MRPS6: variants seen among roughly 807,000 people sequenced by gnomAD.
The protein encoded by MRPS6 is small ribosomal subunit protein bS6m.
MRPS6 carries 6 observed loss-of-function variants against 13.1 expected under a neutral mutation model. The observed-to-expected ratio is 0.46, with a 90% confidence interval of 0.25 to 0.91. The LOEUF (loss-of-function observed/expected upper bound fraction) is 0.91, where lower values mean the gene tolerates loss of function less well. MRPS6 is among the 40% of genes least tolerant of loss of function. MRPS6 has a pLI of 0.18. For synonymous variants in MRPS6, 61 were observed against 56.5 expected (o/e 1.08, Z -0.36); for missense variants, 164 against 155.6 (o/e 1.05, Z -0.29).
intron 1 of MRPS6, chr21:34,100,916 C>A: frequency 2.0e-6 from 2 of 1,000,152 alleles, no homozygotes; most frequent in Non-Finnish European, 2.4e-6. Flanking sequence ...CTTCCCTGTT[C>A]CTGCTTGGCA....
chr21:34,089,801 G>T (rs1028567330), intron 1 of MRPS6, among the ~76,000 whole-genome samples: 2 of 152,112 alleles, frequency 1.3e-5, no homozygotes, highest in African/African-American at 4.8e-5. Context: ...TCCAATCAGG[G>T]TTTTGTATAA....
chr21:34,096,224 C>T lies in MRPS6; in HGVS notation c.45+22479C>T, dbSNP rs758044325. ...AGCACTGCATGCTGGTGTGTGGAAG[C>T]AGAGCTGGTTGCTCCAATATTGCTT... On this transcript the variant is annotated intron_variant, in intron 1 of 2. Coordinates refer to ENST00000399312, the MANE Select transcript of MRPS6 (RefSeq NM_032476.4). This position sits in a 1 kb window ranked among gnomAD's most constrained non-coding sequence, Gnocchi z 5.9. The T allele has an allele frequency of 1.2e-6, 2 of 1,614,046 alleles. No homozygotes were observed. The highest frequency in any genetic ancestry group is 1.7e-6 in the Non-Finnish European group (2 of 1,180,022).
chr21:34,117,732 A>G (rs1364851038), intron 1 of MRPS6, among the ~76,000 whole-genome samples: 1 of 152,222 alleles, frequency 6.6e-6, no homozygotes, highest in Non-Finnish European at 1.5e-5. Flanking sequence ...TGGTCTGCCC[A>G]TAAGAGATCA....
chr21:34,099,664 C>T, intron 1 of MRPS6: 1 of 997,952 alleles, frequency 1.0e-6, no homozygotes, highest in South Asian at 4.7e-5. Flanking sequence ...TAGGGTCCCT[C>T]TACCTTCTTT....
intron 2 of MRPS6, among the ~76,000 whole-genome samples, chr21:34,141,032 C>G (rs1242926653): frequency 6.6e-6 from 1 of 152,202 alleles, no homozygotes; most frequent in Non-Finnish European, 1.5e-5. Context: ...TCTGGAATTA[C>G]ACAAAATGCC....
At chr21:34,100,391 C>CG in intron 1 of MRPS6, 1 of 1,000,166 alleles carries the variant, frequency 1.0e-6, no homozygotes, top group Non-Finnish European at 1.2e-6. Flanking sequence ...ACACTTGAGC[C>CG]GATTTCTTCT....
intron 2 of MRPS6, among the ~76,000 whole-genome samples, chr21:34,139,858 G>A (rs762188859): frequency 6.6e-6 from 1 of 152,162 alleles, no homozygotes; most frequent in Non-Finnish European, 1.5e-5. Context: ...TATTACAGGT[G>A]TGAGCCCCAG....
At chr21:34,134,433 A>C (rs749430145) in intron 2 of MRPS6, among the ~76,000 whole-genome samples, 3 of 152,192 alleles carry the variant, frequency 2.0e-5, no homozygotes, top group African/African-American at 4.8e-5. Flanking sequence ...CCTCCATCCC[A>C]CATCAGCTCA....
At chr21:34,108,800 T>C (rs1025454769) in intron 1 of MRPS6, among the ~76,000 whole-genome samples, 6 of 151,424 alleles carry the variant, frequency 4.0e-5, no homozygotes, top group African/African-American at 1.5e-4. Context: ...ATAGGAATTT[T>C]CTAGCCTCTA....
intron 2 of MRPS6, among the ~76,000 whole-genome samples, chr21:34,139,446 T>C (rs968817541): frequency 6.6e-6 from 1 of 152,200 alleles, no homozygotes; most frequent in African/African-American, 2.4e-5. Context: ...TAATAAGATA[T>C]AGGGCTTAAG....
At chr21:34,107,576 A>G (rs890822275) in intron 1 of MRPS6, among the ~76,000 whole-genome samples, 2 of 152,166 alleles carry the variant, frequency 1.3e-5, no homozygotes, top group Non-Finnish European at 2.9e-5. Flanking sequence ...GCATTCATTT[A>G]TCTATGAATC....
chr21:34,114,066 T>C (rs1248823160), intron 1 of MRPS6, among the ~76,000 whole-genome samples: 2 of 152,184 alleles, frequency 1.3e-5, no homozygotes, highest in African/African-American at 2.4e-5. Context: ...CTTGCTGTCA[T>C]AGTAACCAGG....
intron 1 of MRPS6, chr21:34,099,173 G>A: frequency 2.0e-6 from 2 of 999,436 alleles, no homozygotes; most frequent in Non-Finnish European, 2.4e-6. Flanking sequence ...TTTCTGAAGA[G>A]CTTAGAGTGC....
intron 1 of MRPS6, chr21:34,102,341 C>G (rs769996523): frequency 1.0e-5 from 10 of 999,284 alleles, no homozygotes; most frequent in Non-Finnish European, 1.2e-5. Context: ...TACTGATTCA[C>G]CTTTAAAGGA....
intron 2 of MRPS6, among the ~76,000 whole-genome samples, chr21:34,134,136 A>ATT (rs1980604311): frequency 6.6e-6 from 1 of 152,234 alleles, no homozygotes; most frequent in Admixed American, 6.5e-5. Flanking sequence ...CAAAGTAAGT[A>ATT]ATCAATAATT....
chr21:34,079,281 C>G (rs1051499584), intron 1 of MRPS6, among the ~76,000 whole-genome samples: 13 of 152,150 alleles, frequency 8.5e-5, no homozygotes, highest in African/African-American at 2.9e-4. Flanking sequence ...GAACATGACC[C>G]TGTTCTTTTG....
chr21:34,098,175 A>G, intron 1 of MRPS6: 11 of 1,000,030 alleles, frequency 1.1e-5, no homozygotes, highest in Non-Finnish European at 1.3e-5. Context: ...TAGTTTGGAA[A>G]TGACCAGCCC....
chr21:34,112,517 A>G (rs1285741385), intron 1 of MRPS6, among the ~76,000 whole-genome samples: 1 of 152,134 alleles, frequency 6.6e-6, no homozygotes, highest in East Asian at 1.9e-4. Context: ...TGCAACCATC[A>G]CCACAGTCAG....
intron 1 of MRPS6, among the ~76,000 whole-genome samples, chr21:34,085,067 A>G (rs1228239505): frequency 6.6e-6 from 1 of 152,240 alleles, no homozygotes; most frequent in Admixed American, 6.5e-5. Context: ...TTCAATTCAT[A>G]TAGAAATTTA....
Sources: allele counts gnomAD v4.1 joint callset (sites outside exome capture counted in the v4.1 genomes callset), GRCh38; gene constraint gnomAD v4.1.1; non-coding constraint Gnocchi (gnomAD v3.1); transcripts MANE v1.5; gene names NCBI Gene and HGNC (gene_info 2026-07-23, HGNC 2026-07-21).